Variants in ELAVL1 observed in about 807,000 individuals in gnomAD.
ELAVL1 encodes the protein ELAV like RNA binding protein 1.
In ELAVL1, 1 loss-of-function variant was observed where a neutral mutation model predicts 28.4. The ratio of observed to expected loss-of-function variants is 0.04; its 90% confidence interval spans 0.01 to 0.17. ELAVL1 has a LOEUF of 0.17. ELAVL1 is among the 10% of genes least tolerant of loss of function. The pLI is 1.00. For missense variants in ELAVL1, 157 were observed against 447.2 expected (o/e 0.35, Z 5.85); for synonymous variants, 174 against 183.5 (o/e 0.95, Z 0.42).
In ELAVL1 at chr19:7,989,224, G is replaced by A. The variant is rs554181987; in HGVS notation, c.172+2420C>T. Among the ~76,000 whole-genome samples, 8 of 152,300 alleles carry A rather than the reference G, an allele frequency of 5.3e-5. No individual in the cohort carries two copies. In the East Asian group the frequency reaches 1.4e-3, roughly 26 times the overall value. On this transcript the variant is annotated intron_variant, in intron 2 of 5. Coordinates refer to ENST00000407627, the MANE Select transcript of ELAVL1 (RefSeq NM_001419.3). ...CCAGCGAAGAGGTTTGCCCACACTGGCGGCAGGCTGAGCAAAGCCAGGTTG... is the reference window on the plus strand; with the variant it reads ...CCAGCGAAGAGGTTTGCCCACACTGACGGCAGGCTGAGCAAAGCCAGGTTG...
chr19:8,002,545 G>A (rs1275898528), intron 1 of ELAVL1, among the ~76,000 whole-genome samples: 1 of 152,222 alleles, frequency 6.6e-6, no homozygotes, highest in East Asian at 1.9e-4. Flanking sequence ...CGGCCGCACC[G>A]CCTCGCTACT....
chr19:7,997,316 T>C (rs1444169080), intron 1 of ELAVL1, among the ~76,000 whole-genome samples: 2 of 152,222 alleles, frequency 1.3e-5, no homozygotes, highest in African/African-American at 2.4e-5. Context: ...AAGCCATTCA[T>C]GGATAAACTG....
At chr19:7,986,744 C>T (rs1034696759) in intron 2 of ELAVL1, among the ~76,000 whole-genome samples, 8 of 152,218 alleles carry the variant, frequency 5.3e-5, no homozygotes, top group Admixed American at 5.2e-4. Context: ...ACTATGCGAC[C>T]GATGATGATG....
intron 4 of ELAVL1, among the ~76,000 whole-genome samples, chr19:7,970,811 C>A (rs889258421): frequency 2.6e-5 from 4 of 152,136 alleles, no homozygotes; most frequent in African/African-American, 9.7e-5. Flanking sequence ...ATCCTCCCAC[C>A]TTGGCCTCCC....
chr19:7,971,085 C>T (rs1351577521), intron 4 of ELAVL1, among the ~76,000 whole-genome samples: 3 of 152,186 alleles, frequency 2.0e-5, no homozygotes, highest in African/African-American at 4.8e-5. Flanking sequence ...GACAAAGGTT[C>T]CTTAGGCCAC....
At chr19:7,988,220 G>A (rs767117160) in intron 2 of ELAVL1, among the ~76,000 whole-genome samples, 3 of 152,170 alleles carry the variant, frequency 2.0e-5, no homozygotes, top group Non-Finnish European at 4.4e-5. Flanking sequence ...AACTGGAAAC[G>A]AGTGGCTGGC....
intron 4 of ELAVL1, among the ~76,000 whole-genome samples, chr19:7,970,736 T>C (rs770267904): frequency 1.5e-4 from 22 of 151,626 alleles, no homozygotes; most frequent in Middle Eastern, 3.4e-3. Context: ...TTTCTCTTTT[T>C]TTAAAAAAAG....
Position 7,981,019 on chromosome 19 carries a change from C to A in ELAVL1, c.276+64G>T. 6.6e-7 allele frequency: 1 copy of A among 1,523,656 alleles called. No individual in the cohort carries two copies. The allele number at this position is 1,523,656 out of a possible 1,614,324, so 94.4% of individuals were successfully genotyped here. On this transcript the variant is annotated intron_variant, in intron 3 of 5. Coordinates refer to ENST00000407627, the MANE Select transcript of ELAVL1 (RefSeq NM_001419.3). This position sits in a 1 kb window ranked among gnomAD's most constrained non-coding sequence, Gnocchi z 4.2. The stretch of plus-strand genomic sequence containing the variant: ...CTTGGAGAGTGACTGTGAGGCTGGG[C>A]GGGGCTCAGCACAGACCTGTGCCCA...
chr19:7,972,875 A>G (rs1051997243), intron 4 of ELAVL1: 4 of 128,042 alleles, frequency 3.1e-5, no homozygotes, highest in African/African-American at 1.2e-4. Context: ...TCAGTGGCGC[A>G]ATCTCGGCTT....
chr19:7,967,174 T>G (rs1984978222), intron 5 of ELAVL1, among the ~76,000 whole-genome samples: 1 of 152,174 alleles, frequency 6.6e-6, no homozygotes, highest in African/African-American at 2.4e-5. Context: ...TTGCTGCAAC[T>G]ACAGGAGCGC....
At position 7,963,827 on chromosome 19, in the gene ELAVL1, C is replaced by T. The variant is rs200173235; in HGVS notation, c.657-20G>A. 904 of 1,608,432 alleles carry T rather than the reference C, an allele frequency of 5.6e-4. 8 individuals carry two copies. In the East Asian group the frequency reaches 0.016, roughly 28 times the overall value. The stretch of plus-strand genomic sequence containing the variant: ...GAGAACCTGGCAGACAGAGAGCAAG[C>T]GTCAGGCCACGGTCAGCGCAGGCGG... On this transcript the variant is annotated intron_variant, in intron 5 of 5. Transcript: ENST00000407627. The surrounding 1 kb of genome is among the most constrained non-coding windows in gnomAD (Gnocchi z 4.5).
intron 1 of ELAVL1, chr19:8,001,915 ACC>A: frequency 2.0e-6 from 1 of 506,998 alleles, no homozygotes; most frequent in Non-Finnish European, 3.4e-6. Flanking sequence ...CCCAGTCCTG[ACC>A]CTCAAGCGGT....
At chr19:7,968,029 G>A (rs751156970) in intron 4 of ELAVL1, among the ~76,000 whole-genome samples, 9 of 152,160 alleles carry the variant, frequency 5.9e-5, no homozygotes, top group African/African-American at 7.2e-5. Flanking sequence ...CAGTGTTGGC[G>A]CCCAAAGATA....
chr19:8,001,031 C>G (rs775355774), intron 1 of ELAVL1, among the ~76,000 whole-genome samples: 3 of 152,256 alleles, frequency 2.0e-5, no homozygotes, highest in Non-Finnish European at 4.4e-5. Flanking sequence ...CACTAAGTCT[C>G]CTGCTCATCA....
intron 5 of ELAVL1, among the ~76,000 whole-genome samples, chr19:7,965,690 C>A (rs1024120684): frequency 1.3e-5 from 2 of 152,188 alleles, no homozygotes; most frequent in Admixed American, 6.5e-5. Context: ...TCTCCGGTTT[C>A]CCCTTTCTTT....
intron 2 of ELAVL1, among the ~76,000 whole-genome samples, chr19:7,986,180 G>C (rs954268065): frequency 1.3e-4 from 20 of 152,236 alleles, no homozygotes; most frequent in African/African-American, 4.8e-4. Flanking sequence ...GACCTGACAC[G>C]GGGTGCAGGG....
chr19:7,983,606 T>C (rs1200186599), intron 2 of ELAVL1, among the ~76,000 whole-genome samples: 1 of 152,108 alleles, frequency 6.6e-6, no homozygotes, highest in Non-Finnish European at 1.5e-5. Context: ...GCCTTCTGCA[T>C]CCGGGCCCCA....
intron 1 of ELAVL1, among the ~76,000 whole-genome samples, chr19:7,999,605 GAGGCTGCTGGCTCTCAGACC>G (rs2081060632): frequency 6.6e-6 from 1 of 152,064 alleles, no homozygotes; most frequent in Non-Finnish European, 1.5e-5. Flanking sequence ...AGCAGTACAG[GAGGCTGCTGGCTCTCAGACC>G]AGGCTGGAGT....
chr19:7,998,783 T>A (rs2081057742), intron 1 of ELAVL1, among the ~76,000 whole-genome samples: 1 of 151,768 alleles, frequency 6.6e-6, no homozygotes, highest in Non-Finnish European at 1.5e-5. Flanking sequence ...ATGCCTGGCC[T>A]CCCAGCTCAC....
Sources: gnomAD v4.1 joint callset for allele counts (sites outside exome capture counted in the v4.1 genomes callset) on GRCh38, gnomAD v4.1.1 for gene constraint, Gnocchi (gnomAD v3.1) non-coding constraint, MANE v1.5 for transcripts, NCBI Gene and HGNC (gene_info 2026-07-23, HGNC 2026-07-21) for gene names.